PLPP3: variants seen among roughly 807,000 people sequenced by gnomAD.
PLPP3 encodes the protein phospholipid phosphatase 3, also known as PAP2 beta.
A neutral mutation model predicts 29.6 loss-of-function variants in PLPP3; 6 were observed. The ratio of observed to expected loss-of-function variants is 0.20; its 90% CI spans 0.11 to 0.40. PLPP3 has a LOEUF of 0.40. Among genes scored for constraint, PLPP3 ranks in the 10% least tolerant of loss-of-function variants. The pLI is 1.00. For synonymous variants in PLPP3, 152 were observed against 159.7 expected (o/e 0.95, Z 0.36); for missense variants, 308 against 407.7 (o/e 0.76, Z 2.11).
chr1:56,529,838 G>A (rs957723899), intron 2 of PLPP3, among the ~76,000 whole-genome samples: 1 of 152,070 alleles, frequency 6.6e-6, no homozygotes, highest in Non-Finnish European at 1.5e-5. Flanking sequence ...TAATTTCTGG[G>A]CTTTATGGGT....
At chr1:56,511,386 C>T (rs1382162161) in intron 5 of PLPP3, among the ~76,000 whole-genome samples, 1 of 152,148 alleles carries the variant, frequency 6.6e-6, no homozygotes, top group Non-Finnish European at 1.5e-5. Context: ...GTACGAGGGC[C>T]TCAGGCTGAG....
At chr1:56,541,963 G>T (rs1645972545) in intron 1 of PLPP3, among the ~76,000 whole-genome samples, 1 of 101,210 alleles carries the variant, frequency 9.9e-6, no homozygotes, top group Admixed American at 1.2e-4. Flanking sequence ...TGCAAAGCAT[G>T]ACCAAAAAAA....
chr1:56,548,139 G>A (rs1014378447), intron 1 of PLPP3, among the ~76,000 whole-genome samples: 4 of 152,204 alleles, frequency 2.6e-5, no homozygotes, highest in Non-Finnish European at 4.4e-5. Flanking sequence ...CATTGAGCAA[G>A]ACTGGAGCCG....
intron 5 of PLPP3, among the ~76,000 whole-genome samples, chr1:56,505,532 C>A (rs554407461): frequency 3.9e-5 from 6 of 152,326 alleles, no homozygotes; most frequent in African/African-American, 1.2e-4. Flanking sequence ...GCAAGACCAA[C>A]CCCTCCTCTT....
chr1:56,566,632 A>G (rs913666756), intron 1 of PLPP3, among the ~76,000 whole-genome samples: 4 of 152,208 alleles, frequency 2.6e-5, no homozygotes, highest in South Asian at 4.1e-4. Context: ...TGAGCTGCAA[A>G]ACCAGGTTTG....
chr1:56,526,736 G>T (rs1645855401), intron 2 of PLPP3, among the ~76,000 whole-genome samples: 1 of 152,156 alleles, frequency 6.6e-6, no homozygotes, highest in Admixed American at 6.5e-5. Flanking sequence ...CTTCATAACT[G>T]CAATGACATT....
At chr1:56,526,174 C>G (rs1360599857) in intron 2 of PLPP3, among the ~76,000 whole-genome samples, 1 of 152,090 alleles carries the variant, frequency 6.6e-6, no homozygotes, top group Admixed American at 6.5e-5. Context: ...AGTATGGGAC[C>G]CTGCATAGAT....
rs200383278 is a variant in PLPP3 at position 56,524,508 on chromosome 1, C to T, written c.344G>A (p.Arg115Gln). 2.3e-5 allele frequency: 37 copies of T among 1,612,598 alleles called. No individual in the cohort carries two copies. Among genetic ancestry groups the T allele is most frequent in the Non-Finnish European group, 2.9e-5 (34 of 1,178,830 alleles). The change falls in exon 3 of 6, where the codon CGG becomes CAG. Residue 115 changes from arginine to glutamine, a missense_variant. Arg to Gln is a conservative substitution (Grantham distance 43). Around this residue, in one of 3 missense-constraint regions of PLPP3, gnomAD observed 232 missense variants for 317.2 expected, o/e 0.73. Coordinates refer to ENST00000371250, the MANE Select transcript of PLPP3 (RefSeq NM_003713.5). This position sits in a 1 kb window ranked among gnomAD's most constrained non-coding sequence, Gnocchi z 4.3. ...FYRIYYLKKS[R>Q]STIQNPYVAA... The stretch of plus-strand genomic sequence containing the variant: ...CACGTAGGGGTTCTGAATCGTCGAC[C>T]GCGACTTCTTCAGGTAATAGATCCG...
chr1:56,571,218 C>T (rs1311713534), intron 1 of PLPP3, among the ~76,000 whole-genome samples: 1 of 152,200 alleles, frequency 6.6e-6, no homozygotes, highest in Non-Finnish European at 1.5e-5. Flanking sequence ...CATTTGTGAA[C>T]CAAGGGCATT....
chr1:56,508,203 T>C (rs1415056680), intron 5 of PLPP3, among the ~76,000 whole-genome samples: 1 of 152,204 alleles, frequency 6.6e-6, no homozygotes, highest in African/African-American at 2.4e-5. Flanking sequence ...AGGTATCTAA[T>C]ACAGAAACTC....
chr1:56,570,954 T>C (rs1414277655), intron 1 of PLPP3, among the ~76,000 whole-genome samples: 3 of 152,322 alleles, frequency 2.0e-5, no homozygotes, highest in South Asian at 4.1e-4. Flanking sequence ...ATTTGTCCCA[T>C]GTATCTTTGG....
chr1:56,498,310 G>C (rs1039882694), intron 5 of PLPP3, among the ~76,000 whole-genome samples: 2 of 152,190 alleles, frequency 1.3e-5, no homozygotes, highest in Non-Finnish European at 2.9e-5. Context: ...GTAGGCTCTA[G>C]GCTCCCCTGC....
chr1:56,546,097 A>G (rs1460063762), intron 1 of PLPP3, among the ~76,000 whole-genome samples: 3 of 152,256 alleles, frequency 2.0e-5, no homozygotes, highest in Admixed American at 2.0e-4. Context: ...TTAACATTTA[A>G]TAACAGGCAG....
intron 2 of PLPP3, among the ~76,000 whole-genome samples, chr1:56,530,616 C>T (rs1191158521): frequency 1.3e-5 from 2 of 152,316 alleles, no homozygotes; most frequent in East Asian, 1.9e-4. Flanking sequence ...CTTTTGCATC[C>T]ATCTTTTTCT....
At chr1:56,544,228 C>A (rs984080757) in intron 1 of PLPP3, among the ~76,000 whole-genome samples, 8 of 152,102 alleles carry the variant, frequency 5.3e-5, no homozygotes, top group Non-Finnish European at 7.4e-5. Context: ...CTGTTTCAGC[C>A]CTTTCTGTTG....
At chr1:56,568,933 TC>T (rs1332446369) in intron 1 of PLPP3, among the ~76,000 whole-genome samples, 1 of 151,300 alleles carries the variant, frequency 6.6e-6, no homozygotes, top group East Asian at 2.0e-4. Flanking sequence ...CCCTGTCATG[TC>T]TTTCTTATCC....
At chr1:56,523,031 A>T (rs1401219960) in intron 4 of PLPP3, among the ~76,000 whole-genome samples, 1 of 152,162 alleles carries the variant, frequency 6.6e-6, no homozygotes, top group Non-Finnish European at 1.5e-5. Context: ...CCATGAGAAG[A>T]GCATGGGAAT....
chr1:56,533,255 A>G (rs1645902991), intron 2 of PLPP3, among the ~76,000 whole-genome samples: 1 of 152,032 alleles, frequency 6.6e-6, no homozygotes, highest in African/African-American at 2.4e-5. Context: ...GGTTTTCACC[A>G]TGTTGACCAG....
intron 2 of PLPP3, among the ~76,000 whole-genome samples, chr1:56,536,312 CT>C (rs1426330476): frequency 4.6e-5 from 7 of 152,146 alleles, no homozygotes; most frequent in African/African-American, 1.7e-4. Flanking sequence ...AAAACTAGAC[CT>C]TTCATTTTTC....
Sources: allele counts gnomAD v4.1 joint callset (sites outside exome capture counted in the v4.1 genomes callset), GRCh38; gene constraint gnomAD v4.1.1; regional missense constraint gnomAD v4.1.1; non-coding constraint Gnocchi (gnomAD v3.1); transcripts MANE v1.5; gene names NCBI Gene and HGNC (gene_info 2026-07-23, HGNC 2026-07-21).